The following NEK10 variants were observed in gnomAD, a reference collection of about 807,000 sequenced individuals.
NEK10 encodes NIMA related kinase 10.
NEK10 carries 122 observed loss-of-function variants against 159.8 expected under a neutral mutation model. That is an observed-to-expected ratio of 0.76 (90% CI 0.66 to 0.89). NEK10 has a LOEUF of 0.89. Among genes scored for constraint, NEK10 ranks in the 40% least tolerant of loss-of-function variants. The pLI, the probability that NEK10 is intolerant of heterozygous loss-of-function variation, is 0.00. For synonymous variants in NEK10, 466 were observed against 457.1 expected, an observed-to-expected ratio of 1.02 and a Z score of -0.25; for missense variants, 1,342 against 1,323.1, an observed-to-expected ratio of 1.01 and a Z score of -0.22.
chr3:27,287,747 T>A lies in NEK10; in HGVS notation c.1744-4A>T. The A allele has an allele frequency of 6.4e-7, 1 of 1,555,756 alleles. No individual in the cohort carries two copies. Among genetic ancestry groups the A allele is most frequent in the South Asian group, 1.2e-5 (1 of 81,078 alleles). ...GTACAATGTTGGGATGATAAAGCTA[T>A]AAGAAAATAAATAACAAACATGTAT... is the stretch of plus-strand genomic sequence containing the variant. On this transcript the variant is annotated splice_region_variant and splice_polypyrimidine_tract_variant and intron_variant, in intron 19 of 35. Transcript: ENST00000691995.
At chr3:27,294,372 C>A (rs541048297) in intron 15 of NEK10, among the ~76,000 whole-genome samples, 7 of 152,228 alleles carry the variant, frequency 4.6e-5, no homozygotes, top group African/African-American at 1.7e-4. Flanking sequence ...ACAGAAGGGT[C>A]CCATACAAAA....
intron 30 of NEK10, among the ~76,000 whole-genome samples, chr3:27,148,797 C>G (rs1258172075): frequency 6.6e-6 from 1 of 152,132 alleles, no homozygotes; most frequent in Non-Finnish European, 1.5e-5. Context: ...AGCCTTTCCT[C>G]CCAGGCAGAA....
At chr3:27,270,137 C>T (rs747509260) in intron 22 of NEK10, among the ~76,000 whole-genome samples, 2 of 152,122 alleles carry the variant, frequency 1.3e-5, no homozygotes, top group African/African-American at 4.8e-5. Flanking sequence ...TTCCAAGGTT[C>T]GGTTATAAAG....
intron 26 of NEK10, among the ~76,000 whole-genome samples, chr3:27,181,995 C>G (rs1948160154): frequency 6.6e-6 from 1 of 151,846 alleles, no homozygotes; most frequent in Non-Finnish European, 1.5e-5. Context: ...CCTAGAACAC[C>G]CAAATCAAAT....
chr3:27,130,978 C>T (rs1226619896), intron 32 of NEK10, among the ~76,000 whole-genome samples: 1 of 152,108 alleles, frequency 6.6e-6, no homozygotes, highest in Middle Eastern at 3.4e-3. Context: ...TGTGCAGATA[C>T]CAGTGATGTG....
At chr3:27,295,166 C>T (rs1173078441) in intron 15 of NEK10, among the ~76,000 whole-genome samples, 2 of 152,298 alleles carry the variant, frequency 1.3e-5, no homozygotes, top group South Asian at 4.1e-4. Flanking sequence ...ACAGCTTTCA[C>T]ACTTGGTGCA....
At chr3:27,337,442 A>G in intron 5 of NEK10, among the ~76,000 whole-genome samples, 1 of 40,860 alleles carries the variant, frequency 2.4e-5, no homozygotes, top group East Asian at 3.7e-3. Context: ...TTTCACAGAA[A>G]TAGAAAAAAA....
chr3:27,233,153 C>T (rs775754990), intron 23 of NEK10, among the ~76,000 whole-genome samples: 1 of 152,062 alleles, frequency 6.6e-6, no homozygotes, highest in Non-Finnish European at 1.5e-5. Context: ...CAACAAAGGA[C>T]TAGTATCCAC....
chr3:27,244,703 C>T (rs909237914), intron 23 of NEK10, among the ~76,000 whole-genome samples: 8 of 152,114 alleles, frequency 5.3e-5, no homozygotes, highest in African/African-American at 1.9e-4. Context: ...CCCTGTGTAG[C>T]CTGCACCCTC....
chr3:27,120,009 A>G, intron 32 of NEK10, 141 bp from the exon 33 acceptor site: 1 of 557,998 alleles, frequency 1.8e-6, no homozygotes, highest in Non-Finnish European at 3.2e-6. Flanking sequence ...TTGTAAATAG[A>G]TAAAGAAATA....
chr3:27,332,050 G>C (rs143200686), intron 5 of NEK10, among the ~76,000 whole-genome samples: 1 of 152,184 alleles, frequency 6.6e-6, no homozygotes, highest in Non-Finnish European at 1.5e-5. Flanking sequence ...ACAGGCAAAG[G>C]AAGAGGCATA....
rs1293038293 is a variant in NEK10, at chr3:27,109,708, T to A, written c.*1564A>T. 1.3e-5 allele frequency among the ~76,000 whole-genome samples: 2 copies of A among 152,140 alleles called. No individual in the cohort carries two copies. The highest frequency in any genetic ancestry group is 4.8e-5 in the African/African-American group (2 of 41,444). On this transcript the variant is annotated 3_prime_UTR_variant, in exon 36 of 36. Transcript: ENST00000691995. ...GGTTCAAATTAACTTGGAACAGAAATAAAATTTTGCCTGGGTAAATCAATA... is the reference window on the plus strand; with the variant it reads ...GGTTCAAATTAACTTGGAACAGAAAAAAAATTTTGCCTGGGTAAATCAATA...
At chr3:27,196,591 T>TC (rs1425492096) in intron 25 of NEK10, among the ~76,000 whole-genome samples, 1 of 152,134 alleles carries the variant, frequency 6.6e-6, no homozygotes, top group Non-Finnish European at 1.5e-5. Flanking sequence ...GCTATCTGAC[T>TC]CCCCTACTAG....
chr3:27,308,065 G>A, intron 10 of NEK10, 120 bp from the exon 11 acceptor site: 2 of 590,960 alleles, frequency 3.4e-6, no homozygotes, highest in South Asian at 4.2e-5. Context: ...AAGGAAAGAG[G>A]TTTACTTGAC....
At chr3:27,357,356 C>A (rs995284776) in intron 1 of NEK10, among the ~76,000 whole-genome samples, 1 of 152,054 alleles carries the variant, frequency 6.6e-6, no homozygotes, top group African/African-American at 2.4e-5. Flanking sequence ...GTCAACAAAT[C>A]GCTCATAAAA....
intron 6 of NEK10, among the ~76,000 whole-genome samples, chr3:27,315,691 G>A (rs945532334): frequency 1.1e-4 from 16 of 152,166 alleles, no homozygotes; most frequent in Non-Finnish European, 2.1e-4. Flanking sequence ...TATGTAGATG[G>A]CAGGAGTGCT....
intron 6 of NEK10, among the ~76,000 whole-genome samples, chr3:27,318,328 G>A (rs1004670136): frequency 6.6e-6 from 1 of 152,172 alleles, no homozygotes; most frequent in Non-Finnish European, 1.5e-5. Context: ...AAAGTTCAAG[G>A]ATGAGGGGAA....
chr3:27,202,169 T>A (rs1027217684), intron 24 of NEK10, among the ~76,000 whole-genome samples: 1 of 151,588 alleles, frequency 6.6e-6, no homozygotes, highest in African/African-American at 2.4e-5. Context: ...ATAAATTAAA[T>A]AAATAAATAA....
intron 23 of NEK10, among the ~76,000 whole-genome samples, chr3:27,242,449 G>A (rs1025076841): frequency 1.3e-5 from 2 of 152,114 alleles, no homozygotes; most frequent in Non-Finnish European, 2.9e-5. Context: ...CCCCATTTCA[G>A]GTGAGGAAAT....
Sources: allele counts gnomAD v4.1 joint callset (sites outside exome capture counted in the v4.1 genomes callset), GRCh38; gene constraint gnomAD v4.1.1; transcripts MANE v1.5; gene names NCBI Gene and HGNC (gene_info 2026-07-23, HGNC 2026-07-21).